The following SANBR variants were observed in gnomAD, a reference collection of about 807,000 sequenced individuals.
The protein encoded by SANBR is SANT and BTB domain regulator of class switch recombination.
Under a neutral mutation model 101.8 loss-of-function variants are expected in SANBR, and 77 were observed. The ratio of observed to expected loss-of-function variants is 0.76; its 90% confidence interval spans 0.63 to 0.91. The LOEUF is 0.91. Ranked by LOEUF, SANBR falls within the 40% of genes least tolerant of loss-of-function variation. SANBR has a pLI of 0.00. For missense variants in SANBR, 875 were observed against 853.0 expected, an observed-to-expected ratio of 1.03 and a Z score of -0.32; for synonymous variants, 279 against 274.7, an observed-to-expected ratio of 1.02 and a Z score of -0.15.
At chr2:61,102,440 A>G (rs886154568) in intron 12 of SANBR, among the ~76,000 whole-genome samples, 2 of 152,100 alleles carry the variant, frequency 1.3e-5, no homozygotes, top group African/African-American at 2.4e-5. Context: ...GTTGTCCTGT[A>G]AACATGAAAA....
chr2:61,121,194 G>C lies in SANBR; in HGVS notation c.2038G>C (p.Gly680Arg), dbSNP rs1434988241. ...KSKEAKEFAGGIYSRLEAQIK... is the reference protein window; with the variant it reads ...KSKEAKEFAGRIYSRLEAQIK... The stretch of plus-strand genomic sequence containing the variant: ...CTTCTTTATTCTGCAGTTTGCAGGA[G>C]GTATTTATTCCAGGCTGGAAGCACA... The change falls in exon 21 of 22, where the codon GGT becomes CGT. Residue 680 changes from glycine (G) to arginine (R), a missense_variant. Gly to Arg is a moderately radical substitution (Grantham distance 125). Coordinates refer to ENST00000402291, the MANE Select transcript of SANBR (RefSeq NM_001129993.3). The C allele has an allele frequency of 6.4e-7, 1 of 1,550,440 alleles. No homozygotes were observed. The highest frequency in any genetic ancestry group is 1.7e-4 in the Middle Eastern group (1 of 5,988).
chr2:61,117,217 G>A (rs1035494498), intron 17 of SANBR, 140 bp from the exon 18 acceptor site: 5 of 783,094 alleles, frequency 6.4e-6, no homozygotes, highest in Admixed American at 6.3e-5. Flanking sequence ...TTGGTGCAAG[G>A]TTTAAATGAA....
At chr2:61,126,436 A>T (rs1259947885), downstream of SANBR, among the ~76,000 whole-genome samples, 1 of 152,056 alleles carries the variant, frequency 6.6e-6, no homozygotes, top group Admixed American at 6.6e-5. Context: ...GACGTTCGTG[A>T]TTTTTCGATG....
Position 61,097,751 on chromosome 2 carries a change from G to T in SANBR, c.1264G>T (p.Val422Phe). ...TTGTCAATACCACTCAGAAACAGTG[G>T]TTTATCCTACTGCAGCAAGTTCATT... The part of the protein sequence containing the change: ...SHCQYHSETV[V>F]YPTAASSLNT... The change falls in exon 12 of 22, where the codon GTT (valine) becomes TTT (phenylalanine). Residue 422 changes from valine to phenylalanine, a missense_variant. Coordinates refer to ENST00000402291, the MANE Select transcript of SANBR (RefSeq NM_001129993.3). 1 of 1,611,146 alleles carries T rather than the reference G, an allele frequency of 6.2e-7. No individual in the cohort carries two copies. The highest frequency in any genetic ancestry group is 8.5e-7 in the Non-Finnish European group (1 of 1,177,908).
In SANBR at chr2:61,070,337, C is replaced by T; in HGVS notation, c.-9-5C>T. On this transcript the variant is annotated splice_polypyrimidine_tract_variant and splice_region_variant and intron_variant, in intron 2 of 21. Transcript: ENST00000402291. Reference sequence around the variant, plus strand: ...AATAAAGCTTTTTGTCTTCCCTATCCCTAGTTCCAAAAGATGAGTCGTGGA... The same window carrying T: ...AATAAAGCTTTTTGTCTTCCCTATCTCTAGTTCCAAAAGATGAGTCGTGGA... The T allele has an allele frequency of 2.6e-6, 4 of 1,558,918 alleles. No individual in the cohort carries two copies. The highest frequency in any genetic ancestry group is 2.6e-6 in the Non-Finnish European group (3 of 1,158,254).
intron 3 of SANBR, among the ~76,000 whole-genome samples, chr2:61,071,332 C>T (rs1280869346): frequency 3.3e-5 from 5 of 152,042 alleles, no homozygotes; most frequent in Non-Finnish European, 4.4e-5. Context: ...AGGCAGATCA[C>T]GAGGTCAGGA....
At position 61,123,434 on chromosome 2, in the gene SANBR, T is replaced by A. The variant is rs1410752267; in HGVS notation, c.*1272T>A. On this transcript the variant is annotated 3_prime_UTR_variant, in exon 22 of 22. Transcript: ENST00000402291. Reference sequence around the variant, plus strand: ...ATGAAGCTAGATGTTATTTGATAACTGGCTTTGCCAAGGTTTTTGAACTGC... The same window carrying A: ...ATGAAGCTAGATGTTATTTGATAACAGGCTTTGCCAAGGTTTTTGAACTGC... The A allele has an allele frequency of 1.0e-6, 1 of 984,858 alleles. No individual in the cohort carries two copies. Among genetic ancestry groups the A allele is most frequent in the Non-Finnish European group, 1.2e-6 (1 of 829,340 alleles). The allele number at this position is 984,858 out of a possible 1,614,324, so 61.0% of individuals were successfully genotyped here. A position where few individuals can be genotyped will look rare whatever the true frequency, so the allele number is the denominator to read the frequency against.
At chr2:61,089,218 A>T (rs1682611349) in intron 10 of SANBR, 1 of 984,712 alleles carries the variant, frequency 1.0e-6, no homozygotes, top group Non-Finnish European at 1.2e-6. Flanking sequence ...TCAGTATTTC[A>T]TTAATATGTA....
chr2:61,102,839 G>A (rs1683354496), intron 12 of SANBR, among the ~76,000 whole-genome samples: 1 of 151,984 alleles, frequency 6.6e-6, no homozygotes, highest in Non-Finnish European at 1.5e-5. Flanking sequence ...CGCCGAGCCA[G>A]AATGACTAAA....
chr2:61,073,693 A>G (rs1387874805), intron 5 of SANBR, 142 bp downstream of exon 5: 2 of 421,494 alleles, frequency 4.7e-6, no homozygotes, highest in Admixed American at 4.3e-5. Context: ...CATGTGTTGA[A>G]CTGACCGAAA....
At chr2:61,096,251 G>T (rs1188374665) in intron 11 of SANBR, among the ~76,000 whole-genome samples, 2 of 151,992 alleles carry the variant, frequency 1.3e-5, no homozygotes, top group Non-Finnish European at 2.9e-5. Context: ...CCCTGCACAG[G>T]CCCAAAAGTC....
At chr2:61,111,050 T>C (rs1394427357) in intron 16 of SANBR, among the ~76,000 whole-genome samples, 3 of 152,122 alleles carry the variant, frequency 2.0e-5, no homozygotes, top group South Asian at 4.1e-4. Flanking sequence ...TCTTAGAGAA[T>C]TGAATGATTC....
At chr2:61,068,405 AATG>A (rs1419430508) in intron 1 of SANBR, among the ~76,000 whole-genome samples, 1 of 152,238 alleles carries the variant, frequency 6.6e-6, no homozygotes, top group Non-Finnish European at 1.5e-5. Context: ...TTGTGCCAAT[AATG>A]GCCAAAGTGG....
intron 2 of SANBR, among the ~76,000 whole-genome samples, chr2:61,069,219 C>G (rs1279649102): frequency 6.6e-6 from 1 of 152,278 alleles, no homozygotes; most frequent in Non-Finnish European, 1.5e-5. Context: ...TTCCACATAA[C>G]CCTCAGCACA....
intron 6 of SANBR, among the ~76,000 whole-genome samples, 153 bp downstream of exon 6, chr2:61,077,311 T>C (rs1248784488): frequency 6.6e-6 from 1 of 152,228 alleles, no homozygotes; most frequent in African/African-American, 2.4e-5. Flanking sequence ...ACCTCATCTT[T>C]TTTAGTAAAT....
intron 11 of SANBR, among the ~76,000 whole-genome samples, chr2:61,095,491 T>C (rs565971142): frequency 4.3e-4 from 66 of 152,340 alleles, no homozygotes; most frequent in African/African-American, 1.5e-3. Context: ...TATTCTTTAA[T>C]GCATTTATGT....
intron 11 of SANBR, 23 bp downstream of exon 11, chr2:61,092,610 T>C: frequency 6.4e-7 from 1 of 1,551,698 alleles, no homozygotes; most frequent in Non-Finnish European, 8.7e-7. Context: ...TTTTTAAATA[T>C]CCTGCTCTGC....
chr2:61,119,794 C>CA (rs942505092), intron 20 of SANBR, among the ~76,000 whole-genome samples: 1 of 151,794 alleles, frequency 6.6e-6, no homozygotes, highest in Non-Finnish European at 1.5e-5. Context: ...CCTATCTCTA[C>CA]AAAAAAAAGT....
intron 20 of SANBR, among the ~76,000 whole-genome samples, chr2:61,129,866 A>AT (rs1052793304): frequency 6.6e-6 from 1 of 152,106 alleles, no homozygotes; most frequent in Non-Finnish European, 1.5e-5. Context: ...CTATAAATAT[A>AT]TTTTTTCTCC....
Sources: allele counts gnomAD v4.1 joint callset (sites outside exome capture counted in the v4.1 genomes callset), GRCh38; gene constraint gnomAD v4.1.1; transcripts MANE v1.5; gene names NCBI Gene and HGNC (gene_info 2026-07-23, HGNC 2026-07-21).